MSRA: variants seen among roughly 807,000 people sequenced by gnomAD.
The protein encoded by MSRA is methionine sulfoxide reductase A.
A neutral mutation model predicts 31.3 loss-of-function variants in MSRA; 54 were observed. The observed-to-expected ratio is 1.73, with a 90% CI of 1.39 to 2.17. The LOEUF is 2.17. Among genes scored for constraint, MSRA ranks in the 30% most tolerant of loss-of-function variants. The probability of loss-of-function intolerance (pLI) is 0.00; values close to 1 mark genes in which losing one functional copy is unlikely to be tolerated. For synonymous variants in MSRA, 169 were observed against 116.5 expected, an observed-to-expected ratio of 1.45 and a Z score of -2.90; for missense variants, 507 against 300.9, an observed-to-expected ratio of 1.69 and a Z score of -5.07.
chr8:10,185,964 G>T (rs1227691874), intron 1 of MSRA, among the ~76,000 whole-genome samples: 2 of 152,094 alleles, frequency 1.3e-5, no homozygotes, highest in East Asian at 1.9e-4. Context: ...GGAGTTCTGG[G>T]TTGGGGGGAG....
chr8:10,406,832 C>T (rs1201698900), intron 5 of MSRA, among the ~76,000 whole-genome samples: 1 of 152,220 alleles, frequency 6.6e-6, no homozygotes. Flanking sequence ...GCTAGGATGG[C>T]CCTGAGTCTT....
chr8:10,342,962 T>G (rs1340584542), intron 5 of MSRA, among the ~76,000 whole-genome samples: 1 of 151,878 alleles, frequency 6.6e-6, no homozygotes, highest in Non-Finnish European at 1.5e-5. Flanking sequence ...TTCATAGGCT[T>G]GCTGGGAAAA....
chr8:10,090,299 C>T (rs574628142), intron 1 of MSRA, among the ~76,000 whole-genome samples: 2 of 152,128 alleles, frequency 1.3e-5, no homozygotes, highest in African/African-American at 2.4e-5. Flanking sequence ...CAGAAGGGAG[C>T]GATGTTTGGA....
chr8:10,320,006 T>A lies in MSRA; in HGVS notation c.543+17T>A. 6.4e-7 allele frequency: 1 copy of A among 1,566,192 alleles called. No homozygotes were observed. Among genetic ancestry groups the A allele is most frequent in the Non-Finnish European group, 8.7e-7 (1 of 1,148,234 alleles). On this transcript the variant is annotated intron_variant, in intron 5 of 5. Transcript: ENST00000317173. The stretch of plus-strand genomic sequence containing the variant: ...TACCAAAAGGTAGGGATTGCTGGGC[T>A]CCTAGCCCCTGGCTTAGGCCACCAT...
In MSRA at chr8:10,089,386, C is replaced by G. The variant is rs1798747882; in HGVS notation, c.142+34728C>G. Among the ~76,000 whole-genome samples, 4 of 152,142 alleles carry G rather than the reference C, an allele frequency of 2.6e-5. No individual in the cohort carries two copies. In the South Asian group the frequency reaches 8.3e-4, roughly 32 times the overall value. ...TTTCACCTCCTCTTTGAGCTTGAAT[C>G]AAAAGGTTTTGAGGCCACCAGTAAA... On this transcript the variant is annotated intron_variant, in intron 1 of 5. Transcript: ENST00000317173.
At chr8:10,299,092 A>G (rs1800702134) in intron 3 of MSRA, among the ~76,000 whole-genome samples, 1 of 152,160 alleles carries the variant, frequency 6.6e-6, no homozygotes, top group Non-Finnish European at 1.5e-5. Context: ...ATGATAAGAG[A>G]TAATATGTTA....
chr8:10,141,376 A>G (rs1285079968), intron 1 of MSRA, among the ~76,000 whole-genome samples: 1 of 152,226 alleles, frequency 6.6e-6, no homozygotes. Context: ...ATCAAGGATG[A>G]GTTGAGGTTT....
intron 1 of MSRA, among the ~76,000 whole-genome samples, chr8:10,182,182 C>A (rs1240240307): frequency 6.6e-6 from 1 of 152,102 alleles, no homozygotes; most frequent in African/African-American, 2.4e-5. Context: ...GCAGCTATGT[C>A]AGGTTTCCTG....
intron 1 of MSRA, among the ~76,000 whole-genome samples, chr8:10,063,784 C>G (rs780750306): frequency 4.6e-5 from 7 of 152,178 alleles, no homozygotes; most frequent in Non-Finnish European, 1.0e-4. Flanking sequence ...CTTCCAGTCT[C>G]CAGTATTGTG....
Position 10,148,830 on chromosome 8 carries a change from C to CA in MSRA, c.143-58989dup, listed in dbSNP as rs111353661. 1.6e-4 allele frequency among the ~76,000 whole-genome samples: 21 copies of CA among 134,624 alleles called. No individual in the cohort carries two copies. The South Asian group carries it at 1.7e-3, about 11-fold the overall frequency. The allele number at this position is 134,624 out of a possible 152,430, so 88.3% of individuals were successfully genotyped here. A position where few individuals can be genotyped will look rare whatever the true frequency, so the allele number is the denominator to read the frequency against. On this transcript the variant is annotated intron_variant, in intron 1 of 5. Transcript: ENST00000317173. ...AAAAAAAAAAAAGGAAACTCTGTCT[C>CA]AAAAAAAAAAAAAATCATAACTTGT...
At chr8:10,208,931 G>C (rs1244406072) in intron 2 of MSRA, among the ~76,000 whole-genome samples, 1 of 152,208 alleles carries the variant, frequency 6.6e-6, no homozygotes, top group Non-Finnish European at 1.5e-5. Flanking sequence ...CTATAAATGA[G>C]CACACTGAAG....
At chr8:10,168,307 T>C (rs1471376284) in intron 1 of MSRA, among the ~76,000 whole-genome samples, 1 of 152,180 alleles carries the variant, frequency 6.6e-6, no homozygotes, top group Non-Finnish European at 1.5e-5. Flanking sequence ...TTCCCAGTCT[T>C]CTAAACAGTA....
intron 5 of MSRA, among the ~76,000 whole-genome samples, chr8:10,370,181 T>C (rs1805399238): frequency 6.6e-6 from 1 of 152,246 alleles, no homozygotes; most frequent in Non-Finnish European, 1.5e-5. Context: ...TTAGTTCCTT[T>C]GTTTTATGGA....
chr8:10,390,774 T>A (rs1806692185), intron 5 of MSRA, among the ~76,000 whole-genome samples: 1 of 152,044 alleles, frequency 6.6e-6, no homozygotes, highest in African/African-American at 2.4e-5. Context: ...GATGTTAAAC[T>A]ACATGTTAAA....
At chr8:10,110,563 T>C (rs892032493) in intron 1 of MSRA, among the ~76,000 whole-genome samples, 3 of 152,242 alleles carry the variant, frequency 2.0e-5, no homozygotes, top group Admixed American at 1.3e-4. Flanking sequence ...TTCATTGTTT[T>C]CTGTACTTTT....
At chr8:10,146,663 G>A (rs936538339) in intron 1 of MSRA, among the ~76,000 whole-genome samples, 3 of 152,158 alleles carry the variant, frequency 2.0e-5, no homozygotes, top group Non-Finnish European at 4.4e-5. Context: ...TACTTTAAAT[G>A]GGTCAGTTGT....
intron 1 of MSRA, among the ~76,000 whole-genome samples, chr8:10,168,647 G>A (rs1237595625): frequency 6.6e-6 from 1 of 152,136 alleles, no homozygotes; most frequent in Non-Finnish European, 1.5e-5. Flanking sequence ...GGAAGCAACT[G>A]GCCCAATGTC....
intron 1 of MSRA, among the ~76,000 whole-genome samples, chr8:10,096,822 G>T (rs895362595): frequency 1.4e-4 from 21 of 152,162 alleles, no homozygotes; most frequent in Non-Finnish European, 2.8e-4. Flanking sequence ...ATGTGTTACT[G>T]TGGATCACCC....
intron 1 of MSRA, among the ~76,000 whole-genome samples, chr8:10,145,603 A>G (rs1354612759): frequency 1.3e-5 from 2 of 152,202 alleles, no homozygotes; most frequent in Admixed American, 1.3e-4. Context: ...ATGTTTATAC[A>G]TTCTGATGAT....
Sources: allele counts gnomAD v4.1 joint callset (sites outside exome capture counted in the v4.1 genomes callset), GRCh38; gene constraint gnomAD v4.1.1; transcripts MANE v1.5; gene names NCBI Gene and HGNC (gene_info 2026-07-23, HGNC 2026-07-21).